SGMS1: variants seen among roughly 807,000 people sequenced by gnomAD.
SGMS1 encodes phosphatidylcholine:ceramide cholinephosphotransferase 1.
A neutral mutation model predicts 46.2 loss-of-function variants in SGMS1; 13 were observed. The observed-to-expected ratio is 0.28, with a 90% CI of 0.18 to 0.45. SGMS1 has a LOEUF of 0.45. Ranked by LOEUF, SGMS1 falls within the 20% of genes least tolerant of loss-of-function variation. SGMS1 has a pLI of 1.00. For missense variants in SGMS1, 324 were observed against 519.9 expected (o/e 0.62, Z 3.66); for synonymous variants, 203 against 187.8 (o/e 1.08, Z -0.66).
intron 6 of SGMS1, among the ~76,000 whole-genome samples, chr10:50,375,358 A>G (rs538014673): frequency 2.0e-4 from 30 of 152,314 alleles, no homozygotes; most frequent in South Asian, 1.2e-3. Flanking sequence ...CATGGTTGAG[A>G]ACACAGAAGG....
chr10:50,579,719 T>C (rs1838415881), intron 2 of SGMS1, among the ~76,000 whole-genome samples: 1 of 152,206 alleles, frequency 6.6e-6, no homozygotes, highest in Admixed American at 6.5e-5. Flanking sequence ...ATATGAAATT[T>C]TCTAGGACAC....
intron 6 of SGMS1, among the ~76,000 whole-genome samples, chr10:50,408,356 A>G (rs969693666): frequency 1.3e-5 from 2 of 148,172 alleles, no homozygotes; most frequent in Non-Finnish European, 3.0e-5. Flanking sequence ...TAATCCCAAT[A>G]CTCTGGGAGG....
At chr10:50,378,923 C>CTA (rs1848560730) in intron 6 of SGMS1, among the ~76,000 whole-genome samples, 1 of 152,032 alleles carries the variant, frequency 6.6e-6, no homozygotes, top group African/African-American at 2.4e-5. Context: ...AAACCCATAT[C>CTA]GTATTGAACA....
chr10:50,559,492 C>G (rs1004777581), intron 2 of SGMS1, among the ~76,000 whole-genome samples: 1 of 152,174 alleles, frequency 6.6e-6, no homozygotes, highest in Non-Finnish European at 1.5e-5. Context: ...GGCCAATTCT[C>G]TGGACACAGA....
At chr10:50,360,873 C>T (rs1053413165) in intron 6 of SGMS1, among the ~76,000 whole-genome samples, 6 of 152,118 alleles carry the variant, frequency 3.9e-5, no homozygotes, top group African/African-American at 1.4e-4. Flanking sequence ...ATTGCATGTG[C>T]CCTGGAATCC....
At chr10:50,356,025 C>T (rs1289787995) in intron 6 of SGMS1, among the ~76,000 whole-genome samples, 1 of 152,064 alleles carries the variant, frequency 6.6e-6, no homozygotes, top group Non-Finnish European at 1.5e-5. Flanking sequence ...AAGTGAGGAG[C>T]CCCTCCGCCC....
chr10:50,309,529 C>G (rs1847224982), intron 9 of SGMS1, among the ~76,000 whole-genome samples: 1 of 152,164 alleles, frequency 6.6e-6, no homozygotes. Context: ...TTTCAGGTAT[C>G]AGGCAGCAGG....
At chr10:50,551,469 T>C (rs546378043) in intron 2 of SGMS1, among the ~76,000 whole-genome samples, 1 of 149,870 alleles carries the variant, frequency 6.7e-6, no homozygotes, top group African/African-American at 2.5e-5. Context: ...AATGGGATCA[T>C]GGAAGAGAAA....
chr10:50,523,318 C>T (rs1588863739), intron 2 of SGMS1, among the ~76,000 whole-genome samples: 2 of 152,314 alleles, frequency 1.3e-5, no homozygotes. Flanking sequence ...ATAATAAATG[C>T]TCTTTACTTA....
intron 8 of SGMS1, among the ~76,000 whole-genome samples, chr10:50,311,785 T>C (rs1847257921): frequency 6.6e-6 from 1 of 152,198 alleles, no homozygotes; most frequent in Non-Finnish European, 1.5e-5. Context: ...AAATCTGTAG[T>C]CTAGGAAAAA....
At chr10:50,577,243 A>G (rs565167375) in intron 2 of SGMS1, among the ~76,000 whole-genome samples, 8 of 152,222 alleles carry the variant, frequency 5.3e-5, no homozygotes, top group East Asian at 1.9e-4. Context: ...GGAAAACCCA[A>G]TCTGGGTGAT....
chr10:50,447,664 C>A (rs1211373), intron 5 of SGMS1, among the ~76,000 whole-genome samples: 1 of 152,136 alleles, frequency 6.6e-6, no homozygotes, highest in Non-Finnish European at 1.5e-5. Flanking sequence ...ATGTTTATCA[C>A]GTATAACATG....
intron 1 of SGMS1, among the ~76,000 whole-genome samples, chr10:50,621,675 T>C (rs1838851158): frequency 6.6e-6 from 1 of 152,222 alleles, no homozygotes; most frequent in Non-Finnish European, 1.5e-5. Context: ...TTAATGTCTT[T>C]TATTAAAAAG....
At position 50,585,997 on chromosome 10, in the gene SGMS1, T is replaced by C. The variant is rs761512273; in HGVS notation, c.-589+4156A>G. ...GTAAAGGGCTAGATGGTAAATATTT[T>C]AGGCTTTGTAGGCCATATGGTCACT... On this transcript the variant is annotated intron_variant, in intron 2 of 10. Transcript: ENST00000361781. Among the ~76,000 whole-genome samples, 57 of 152,368 alleles carry C rather than the reference T, an allele frequency of 3.7e-4. 1 individual carries two copies. Among genetic ancestry groups the C allele is most frequent in the Middle Eastern group, 3.4e-3 (1 of 294 alleles).
At chr10:50,441,181 C>A (rs1245659043) in intron 5 of SGMS1, among the ~76,000 whole-genome samples, 1 of 152,294 alleles carries the variant, frequency 6.6e-6, no homozygotes, top group South Asian at 2.1e-4. Flanking sequence ...AGCCTTCTCT[C>A]CCACCTTCTC....
intron 1 of SGMS1, among the ~76,000 whole-genome samples, chr10:50,621,985 G>A (rs2131949807): frequency 6.6e-6 from 1 of 152,332 alleles, no homozygotes; most frequent in East Asian, 1.9e-4. Context: ...AGGGCCTCCA[G>A]AGCTAAACAG....
chr10:50,344,129 G>A lies in SGMS1; in HGVS notation c.-15C>T. ...ACTTCCTTCATTGTACTGGCAGACA[G>A]CAGGCAGTCCCCAGCTCTCTCTTGG... On this transcript the variant is annotated 5_prime_UTR_variant, in exon 7 of 11. Transcript: ENST00000361781. 1 of 1,585,266 alleles carries A rather than the reference G, an allele frequency of 6.3e-7. No individual in the cohort carries two copies. The highest frequency in any genetic ancestry group is 2.2e-5 in the East Asian group (1 of 44,660).
At chr10:50,558,239 G>A (rs1838204905) in intron 2 of SGMS1, among the ~76,000 whole-genome samples, 1 of 152,164 alleles carries the variant, frequency 6.6e-6, no homozygotes. Flanking sequence ...GCAATTATGT[G>A]TTAATGGGTC....
At chr10:50,552,613 G>C (rs1838157824) in intron 2 of SGMS1, among the ~76,000 whole-genome samples, 2 of 152,180 alleles carry the variant, frequency 1.3e-5, no homozygotes, top group Non-Finnish European at 2.9e-5. Flanking sequence ...TTGACGTTAA[G>C]CATACTCCTA....
Sources: gnomAD v4.1 joint callset for allele counts (sites outside exome capture counted in the v4.1 genomes callset) on GRCh38, gnomAD v4.1.1 for gene constraint, MANE v1.5 for transcripts, NCBI Gene and HGNC (gene_info 2026-07-23, HGNC 2026-07-21) for gene names.